NUP210L: variants seen among roughly 807,000 people sequenced by gnomAD.
NUP210L encodes the protein nucleoporin 210 like, also known as nuclear pore membrane glycoprotein 210-like.
In NUP210L, 74 loss-of-function variants were observed where a neutral mutation model predicts 208.5. The ratio of observed to expected loss-of-function variants is 0.35; its 90% CI spans 0.29 to 0.43. NUP210L has a LOEUF of 0.43. Among genes scored for constraint, NUP210L ranks in the 20% least tolerant of loss-of-function variants. The pLI is 1.00. For missense variants in NUP210L, 1,843 were observed against 2,289.4 expected (o/e 0.81, Z 3.98); for synonymous variants, 780 against 816.9 (o/e 0.95, Z 0.77).
chr1:154,043,319 C>CTT (rs963286051), intron 27 of NUP210L, among the ~76,000 whole-genome samples: 111 of 144,078 alleles, frequency 7.7e-4, no homozygotes, highest in African/African-American at 2.2e-3. Flanking sequence ...TGCACTCCGC[C>CTT]TTTTTTTTTT....
At chr1:154,119,221 G>A (rs1446307246) in intron 10 of NUP210L, among the ~76,000 whole-genome samples, 1 of 152,080 alleles carries the variant, frequency 6.6e-6, no homozygotes, top group African/African-American at 2.4e-5. Flanking sequence ...AGGTGCTAAG[G>A]TAAGAAATTT....
chr1:154,078,150 A>T (rs923878912), intron 16 of NUP210L, among the ~76,000 whole-genome samples: 1 of 150,202 alleles, frequency 6.7e-6, no homozygotes, highest in Non-Finnish European at 1.5e-5. Flanking sequence ...ACAAAAAAAA[A>T]AAAATTACAA....
intron 16 of NUP210L, among the ~76,000 whole-genome samples, chr1:154,082,596 T>C (rs544855104): frequency 6.6e-6 from 1 of 152,304 alleles, no homozygotes; most frequent in Admixed American, 6.5e-5. Context: ...TCCTTTACAA[T>C]ATCCTTTATA....
chr1:154,147,249 A>G (rs141052771), intron 2 of NUP210L, among the ~76,000 whole-genome samples: 1 of 152,300 alleles, frequency 6.6e-6, no homozygotes, highest in East Asian at 1.9e-4. Context: ...GGGCCCTTCA[A>G]TTCTATGTGG....
exon 25 of NUP210L, chr1:154,054,407 C>T: frequency 6.2e-7 from 1 of 1,613,896 alleles, no homozygotes. Flanking sequence ...TCAGACATTA[C>T]CTGGAATTTA....
Position 154,083,387 on chromosome 1 carries a change from A to G in NUP210L, c.2361+6034T>C, listed in dbSNP as rs563443556. ...GTAAAGTTCTCCAAGTCCCCACCAG[A>G]CCCAGAAGCCCAGCTGGCTTCACCT... On this transcript the variant is annotated intron_variant, in intron 16 of 39. Coordinates refer to ENST00000368559, the Ensembl canonical transcript of NUP210L. Among the ~76,000 whole-genome samples the G allele has an allele frequency of 5.3e-4, 80 of 152,278 alleles. No homozygotes were observed. The Middle Eastern group carries it at 0.014, about 26-fold the overall frequency.
At chr1:154,039,584 A>C (rs919541648) in intron 27 of NUP210L, among the ~76,000 whole-genome samples, 1 of 152,144 alleles carries the variant, frequency 6.6e-6, no homozygotes, top group African/African-American at 2.4e-5. Flanking sequence ...TGGATATACT[A>C]TTCTAGAATA....
chr1:154,091,682 G>C (rs1655924080), intron 15 of NUP210L, among the ~76,000 whole-genome samples: 1 of 151,360 alleles, frequency 6.6e-6, no homozygotes, highest in Non-Finnish European at 1.5e-5. Context: ...TGTATTTTTA[G>C]TAGAGATGGG....
At chr1:154,121,792 G>A (rs977973591) in intron 10 of NUP210L, among the ~76,000 whole-genome samples, 26 of 151,904 alleles carry the variant, frequency 1.7e-4, no homozygotes, top group East Asian at 3.9e-4. Flanking sequence ...ACTTGAACCC[G>A]GGAGGCGGAG....
At chr1:154,047,100 G>A (rs2147972948) in intron 25 of NUP210L, among the ~76,000 whole-genome samples, 1 of 152,256 alleles carries the variant, frequency 6.6e-6, no homozygotes, top group Non-Finnish European at 1.5e-5. Context: ...CAGAGGCTGG[G>A]AAGGGCAGTG....
chr1:154,076,203 A>C (rs1474999210), intron 16 of NUP210L, among the ~76,000 whole-genome samples: 1 of 149,922 alleles, frequency 6.7e-6, no homozygotes, highest in Non-Finnish European at 1.5e-5. Flanking sequence ...TCCCAGGTTC[A>C]AGTGATTCTC....
chr1:154,142,434 A>G (rs1367444653), intron 3 of NUP210L, among the ~76,000 whole-genome samples: 1 of 152,164 alleles, frequency 6.6e-6, no homozygotes, highest in Non-Finnish European at 1.5e-5. Context: ...AAAGCATTAA[A>G]GATTAGATCA....
intron 12 of NUP210L, 43 bp downstream of exon 12, chr1:154,117,682 G>A: frequency 6.8e-7 from 1 of 1,477,866 alleles, no homozygotes; most frequent in Non-Finnish European, 9.3e-7. Context: ...AATTTAGACA[G>A]TAGTGTTGTA....
At chr1:154,091,089 AT>A (rs1399139445) in intron 15 of NUP210L, among the ~76,000 whole-genome samples, 5 of 147,626 alleles carry the variant, frequency 3.4e-5, no homozygotes, top group Admixed American at 1.4e-4. Context: ...TATTATTATT[AT>A]TATTATTATT....
At chr1:154,140,666 CA>C (rs1434093544) in intron 4 of NUP210L, among the ~76,000 whole-genome samples, 13 of 102,422 alleles carry the variant, frequency 1.3e-4, no homozygotes, top group Admixed American at 3.9e-4. Flanking sequence ...GACTCCATCT[CA>C]AAAAAAAAAA....
chr1:154,094,152 G>A (rs1395439132), intron 15 of NUP210L, among the ~76,000 whole-genome samples: 4 of 152,190 alleles, frequency 2.6e-5, no homozygotes, highest in Admixed American at 6.5e-5. Context: ...GCGTGGTGGC[G>A]TGCACCTGTC....
intron 29 of NUP210L, among the ~76,000 whole-genome samples, chr1:154,027,277 A>G (rs900527650): frequency 6.6e-6 from 1 of 152,064 alleles, no homozygotes; most frequent in African/African-American, 2.4e-5. Context: ...GGTGGTGATA[A>G]AAATATTTGG....
intron 16 of NUP210L, among the ~76,000 whole-genome samples, 172 bp downstream of exon 16, chr1:154,089,249 G>T (rs747744747): frequency 1.3e-5 from 2 of 152,110 alleles, no homozygotes; most frequent in Non-Finnish European, 2.9e-5. Flanking sequence ...ATGTAAAATG[G>T]TACAGCTGCT....
chr1:154,023,687 A>C (rs1030751041), intron 30 of NUP210L, among the ~76,000 whole-genome samples: 6 of 152,148 alleles, frequency 3.9e-5, no homozygotes, highest in African/African-American at 1.4e-4. Context: ...CATGTTGGCC[A>C]GGCTGGTCTC....
Sources: gnomAD v4.1 joint callset for allele counts (sites outside exome capture counted in the v4.1 genomes callset) on GRCh38, gnomAD v4.1.1 for gene constraint, MANE v1.5 for transcripts, NCBI Gene and HGNC (gene_info 2026-07-23, HGNC 2026-07-21) for gene names.